PLEKHM2: variants seen among roughly 807,000 people sequenced by gnomAD.
The protein encoded by PLEKHM2 is pleckstrin homology and RUN domain containing M2.
PLEKHM2 carries 77 observed loss-of-function variants against 116.3 expected under a neutral mutation model. That is an observed-to-expected ratio of 0.66 (90% CI 0.55 to 0.80). The LOEUF (loss-of-function observed/expected upper bound fraction) is 0.80. PLEKHM2 is among the 30% of genes least tolerant of loss of function. PLEKHM2 has a pLI of 0.00. For synonymous variants in PLEKHM2, 562 were observed against 571.0 expected (o/e 0.98, Z 0.22); for missense variants, 1,183 against 1,354.9 (o/e 0.87, Z 1.99).
rs2068198660 is a variant in PLEKHM2, at chr1:15,734,615, C to T, written c.*681C>T. The T allele has an allele frequency of 6.6e-6, 1 of 152,436 alleles. No individual in the cohort carries two copies. The highest frequency in any genetic ancestry group is 2.4e-5 in the African/African-American group (1 of 41,450). 9.4% of individuals were successfully genotyped at this position (152,436 alleles called of 1,614,324 possible). On this transcript the variant is annotated 3_prime_UTR_variant, in exon 20 of 20. Coordinates refer to ENST00000375799, the MANE Select transcript of PLEKHM2 (RefSeq NM_015164.4). The stretch of plus-strand genomic sequence containing the variant: ...TGGGGGGCTTGGAGAAGGGCGGAGC[C>T]CACCAGCCTGGCATCCATGTTGACA...
Position 15,732,333 on chromosome 1 carries a change from CCCTG to C in PLEKHM2, c.2626-14_2626-11del. ...CCCTGGAGGCCCCAGCCTGCCTCTCCCCTGCCCCGCTGCCAGGTCATCCCCCAGG... is the reference window on the plus strand; with the variant it reads ...CCCTGGAGGCCCCAGCCTGCCTCTCCCCCCGCTGCCAGGTCATCCCCCAGG... On this transcript the variant is annotated splice_polypyrimidine_tract_variant and intron_variant, in intron 17 of 19. Coordinates refer to ENST00000375799, the MANE Select transcript of PLEKHM2 (RefSeq NM_015164.4). The C allele has an allele frequency of 6.5e-7, 1 of 1,545,890 alleles. No homozygotes were observed.
intron 1 of PLEKHM2, among the ~76,000 whole-genome samples, chr1:15,711,663 T>C (rs917810597): frequency 6.6e-6 from 1 of 150,868 alleles, no homozygotes; most frequent in Non-Finnish European, 1.5e-5. Context: ...TAATCTTACA[T>C]TGGGAAAAAT....
Position 15,731,769 on chromosome 1 carries a change from T to A in PLEKHM2, c.2466-120T>A, listed in dbSNP as rs2068145782. 3.6e-6 allele frequency: 3 copies of A among 828,094 alleles called. No homozygotes were observed. In the Admixed American group the frequency reaches 8.2e-5, roughly 23 times the overall value. 51.3% of individuals were successfully genotyped at this position (828,094 alleles called of 1,614,324 possible). Reference sequence around the variant, plus strand: ...GGGCCTGGAGAACCCTCTGGTATCCTCCAGCCCCCAAGACGGTGGGGCAGA... The same window carrying A: ...GGGCCTGGAGAACCCTCTGGTATCCACCAGCCCCCAAGACGGTGGGGCAGA... On this transcript the variant is annotated intron_variant, in intron 16 of 19. Coordinates refer to ENST00000375799, the MANE Select transcript of PLEKHM2 (RefSeq NM_015164.4).
chr1:15,716,492 C>G lies in PLEKHM2; in HGVS notation c.167+149C>G, dbSNP rs912668701. The G allele has an allele frequency of 1.2e-5, 8 of 674,834 alleles. No individual in the cohort carries two copies. The African/African-American group carries it at 1.3e-4, about 11-fold the overall frequency. 41.8% of individuals were successfully genotyped at this position (674,834 alleles called of 1,614,324 possible). A position where few individuals can be genotyped will look rare whatever the true frequency, so the allele number is the denominator to read the frequency against. On this transcript the variant is annotated intron_variant, in intron 2 of 19. Transcript: ENST00000375799. ...CCCACTCAAGTGGGCCACAGTCTCT[C>G]TGTAGTTACCCCAGTAAATCATCTC...
At chr1:15,695,439 A>G (rs1206849287) in intron 1 of PLEKHM2, among the ~76,000 whole-genome samples, 2 of 152,188 alleles carry the variant, frequency 1.3e-5, no homozygotes, top group African/African-American at 4.8e-5. Context: ...GGCACCTGTT[A>G]CATGCCAGGC....
At chr1:15,730,389 T>G (rs541610668) in intron 14 of PLEKHM2, 143 bp from the exon 15 acceptor site, 43 of 611,024 alleles carry the variant, frequency 7.0e-5, no homozygotes. Context: ...TTGCAGTGAG[T>G]GGAGATCACA....
In PLEKHM2 at chr1:15,731,811, C is replaced by T. The variant is rs879088288; in HGVS notation, c.2466-78C>T. On this transcript the variant is annotated intron_variant, in intron 16 of 19. Coordinates refer to ENST00000375799, the MANE Select transcript of PLEKHM2 (RefSeq NM_015164.4). The stretch of plus-strand genomic sequence containing the variant: ...TGGGGCAGACCCTGTGCCGCACACC[C>T]CGCACCAACCCTGGGGGCTGTCGCC... 12 of 1,316,842 alleles carry T rather than the reference C, an allele frequency of 9.1e-6. No individual in the cohort carries two copies. In the East Asian group the frequency reaches 1.8e-4, roughly 19 times the overall value. 81.6% of individuals were successfully genotyped at this position (1,316,842 alleles called of 1,614,324 possible).
At chr1:15,712,755 CT>C (rs1641360816) in intron 1 of PLEKHM2, among the ~76,000 whole-genome samples, 1 of 546 alleles carries the variant, frequency 1.8e-3, no homozygotes, top group African/African-American at 2.2e-3. Context: ...ATACCTCCCC[CT>C]GACCCTGCCT....
chr1:15,701,830 C>T (rs1157504249), intron 1 of PLEKHM2, among the ~76,000 whole-genome samples: 1 of 152,004 alleles, frequency 6.6e-6, no homozygotes, highest in African/African-American at 2.4e-5. Context: ...GCCTGCCTCA[C>T]TTGTTTGTTT....
At chr1:15,732,782 A>T in intron 19 of PLEKHM2, 54 bp downstream of exon 19, 1 of 1,226,826 alleles carries the variant, frequency 8.2e-7, no homozygotes, top group Non-Finnish European at 1.2e-6. Context: ...AGTGGGAGCC[A>T]CTCCCCGGGG....
intron 6 of PLEKHM2, chr1:15,720,800 T>G (rs2067987675): frequency 6.6e-6 from 1 of 152,384 alleles, no homozygotes. Flanking sequence ...TAGCAAGACC[T>G]GCATTGCTGA....
chr1:15,734,176 C>T lies in PLEKHM2; in HGVS notation c.*242C>T, dbSNP rs1335376165. On this transcript the variant is annotated 3_prime_UTR_variant, in exon 20 of 20. Transcript: ENST00000375799. Reference sequence around the variant, plus strand: ...TGGAGGTCGCTGGGGGCAGAGGGTCCGAGCCCTGTGGGCTCTGCGGATGCA... The same window carrying T: ...TGGAGGTCGCTGGGGGCAGAGGGTCTGAGCCCTGTGGGCTCTGCGGATGCA... 5 of 541,658 alleles carry T rather than the reference C, an allele frequency of 9.2e-6. No homozygotes were observed. Among genetic ancestry groups the T allele is most frequent in the Non-Finnish European group, 1.6e-5 (5 of 307,866 alleles). The allele number at this position is 541,658 out of a possible 1,614,324, so 33.6% of individuals were successfully genotyped here.
At position 15,727,947 on chromosome 1, in the gene PLEKHM2, G is replaced by C; in HGVS notation, c.1760+115G>C. ...GGAAGACCTAGCCTGAGTGAGAAGG[G>C]GTGTGAGCCTCCCTCCCTAACTTTG... On this transcript the variant is annotated intron_variant, in intron 9 of 19. Coordinates refer to ENST00000375799, the MANE Select transcript of PLEKHM2 (RefSeq NM_015164.4). This position sits in a 1 kb window ranked among gnomAD's most constrained non-coding sequence, Gnocchi z 7.5. 2 of 1,186,682 alleles carry C rather than the reference G, an allele frequency of 1.7e-6. No homozygotes were observed. Among genetic ancestry groups the C allele is most frequent in the Non-Finnish European group, 2.4e-6 (2 of 822,792 alleles). The allele number at this position is 1,186,682 out of a possible 1,614,324, so 73.5% of individuals were successfully genotyped here.
intron 1 of PLEKHM2, among the ~76,000 whole-genome samples, chr1:15,687,093 T>G (rs929211833): frequency 6.7e-6 from 1 of 149,084 alleles, no homozygotes; most frequent in Non-Finnish European, 1.5e-5. Context: ...CGACTACTTT[T>G]TGTATTTTTT....
intron 1 of PLEKHM2, among the ~76,000 whole-genome samples, chr1:15,691,769 C>T (rs929960194): frequency 1.3e-5 from 2 of 152,108 alleles, no homozygotes; most frequent in Non-Finnish European, 2.9e-5. Context: ...TTTTTCTACT[C>T]CTGAGATAGG....
intron 1 of PLEKHM2, among the ~76,000 whole-genome samples, chr1:15,689,372 G>A (rs12079770): frequency 0.03 from 4,623 of 152,236 alleles, 241 homozygotes; most frequent in African/African-American, 0.1. Context: ...ATGGTCTTCC[G>A]AGGACAGGCG....
At position 15,728,293 on chromosome 1, in the gene PLEKHM2, G is replaced by A. The variant is rs775468785; in HGVS notation, c.1857G>A (p.Met619Ile). The change falls in exon 11 of 20, where the codon ATG becomes ATA. Residue 619 changes from methionine (M) to isoleucine (I), a missense_variant. This residue lies in a region of PLEKHM2 where 594 missense variants were observed against 720.1 expected (regional missense o/e 0.82). Coordinates refer to ENST00000375799, the MANE Select transcript of PLEKHM2 (RefSeq NM_015164.4). The surrounding 1 kb of genome is among the most constrained non-coding windows in gnomAD (Gnocchi z 5.9). ...FKMIRMSTGH[M>I]EGNLQLLYVL... ...TGATCCGGATGAGCACCGGGCACAT[G>A]GAGGGCAACCTGCAGCTGCTGTACG... 5 of 1,613,380 alleles carry A rather than the reference G, an allele frequency of 3.1e-6. No homozygotes were observed. The highest frequency in any genetic ancestry group is 4.2e-6 in the Non-Finnish European group (5 of 1,179,872).
chr1:15,688,405 A>G (rs1318032386), intron 1 of PLEKHM2, among the ~76,000 whole-genome samples: 1 of 152,220 alleles, frequency 6.6e-6, no homozygotes, highest in African/African-American at 2.4e-5. Flanking sequence ...TAATCCCAGC[A>G]CTTTGGGAGG....
chr1:15,713,627 T>G (rs1482553955), intron 1 of PLEKHM2, among the ~76,000 whole-genome samples: 1 of 144,912 alleles, frequency 6.9e-6, no homozygotes, highest in African/African-American at 2.8e-5. Flanking sequence ...TTTTTGTTTG[T>G]TTGTTTGTTT....
Sources: allele counts gnomAD v4.1 joint callset (sites outside exome capture counted in the v4.1 genomes callset), GRCh38; gene constraint gnomAD v4.1.1; regional missense constraint gnomAD v4.1.1; non-coding constraint Gnocchi (gnomAD v3.1); transcripts MANE v1.5; gene names NCBI Gene and HGNC (gene_info 2026-07-23, HGNC 2026-07-21).